The following CHD6 variants were observed in gnomAD, a reference collection of about 807,000 sequenced individuals.
CHD6 encodes ATP-dependent chromatin remodeler CHD6.
A neutral mutation model predicts 276.9 loss-of-function variants in CHD6; 50 were observed. That is an observed-to-expected ratio of 0.18 (90% CI 0.14 to 0.23). The LOEUF is 0.23. Among genes scored for constraint, CHD6 ranks in the 10% least tolerant of loss-of-function variants. The probability of loss-of-function intolerance (pLI) is 1.00; values close to 1 mark genes in which losing one functional copy is unlikely to be tolerated. For synonymous variants in CHD6, 1,173 were observed against 1,229.3 expected, an observed-to-expected ratio of 0.95 and a Z score of 0.96; for missense variants, 2,564 against 3,365.8, an observed-to-expected ratio of 0.76 and a Z score of 5.89.
intron 1 of CHD6, among the ~76,000 whole-genome samples, chr20:41,578,616 GTCGCAGTGAGCCGAGA>G (rs1392569574): frequency 2.0e-5 from 3 of 149,710 alleles, no homozygotes; most frequent in Admixed American, 1.3e-4. Flanking sequence ...GGAGGTGGAG[GTCGCAGTGAGCCGAGA>G]TCGCACCACC....
At chr20:41,482,279 G>A (rs1006751067) in intron 16 of CHD6, among the ~76,000 whole-genome samples, 6 of 152,108 alleles carry the variant, frequency 3.9e-5, no homozygotes, top group Admixed American at 2.0e-4. Flanking sequence ...TGCTTTGCAA[G>A]TTTTGATTTA....
At chr20:41,591,302 T>C (rs1263971978) in intron 1 of CHD6, among the ~76,000 whole-genome samples, 1 of 151,606 alleles carries the variant, frequency 6.6e-6, no homozygotes, top group Admixed American at 6.6e-5. Context: ...ATGGCACATG[T>C]ATACCTATGT....
chr20:41,455,750 A>G (rs1569097815), intron 19 of CHD6, 50 bp downstream of exon 19: 1 of 1,258,502 alleles, frequency 7.9e-7, no homozygotes, highest in Admixed American at 2.6e-5. Context: ...GAGAATAAAC[A>G]TTTTTTTTTC....
At chr20:41,565,733 A>C (rs1031846082) in intron 1 of CHD6, among the ~76,000 whole-genome samples, 1 of 152,230 alleles carries the variant, frequency 6.6e-6, no homozygotes, top group Admixed American at 6.5e-5. Context: ...TGAAAATAAT[A>C]AAGTGAGAGA....
chr20:41,609,615 G>A (rs1192977581), intron 1 of CHD6, among the ~76,000 whole-genome samples: 2 of 152,158 alleles, frequency 1.3e-5, no homozygotes, highest in African/African-American at 4.8e-5. Flanking sequence ...TGATTTTTAA[G>A]GAACCTTCCA....
intron 1 of CHD6, among the ~76,000 whole-genome samples, chr20:41,606,480 C>T (rs2045830085): frequency 1.3e-5 from 2 of 152,036 alleles, no homozygotes; most frequent in African/African-American, 2.4e-5. Context: ...TGCCACTGCA[C>T]TCCAGCCTGG....
In CHD6 at chr20:41,547,919, T is replaced by C. The variant is rs540395668; in HGVS notation, c.33+3386A>G. 60 of 271,862 alleles carry C rather than the reference T, an allele frequency of 2.2e-4. No homozygotes were observed. The South Asian group carries it at 2.5e-3, about 11-fold the overall frequency. 16.8% of individuals were successfully genotyped at this position (271,862 alleles called of 1,614,324 possible). A position where few individuals can be genotyped will look rare whatever the true frequency, so the allele number is the denominator to read the frequency against. On this transcript the variant is annotated intron_variant, in intron 2 of 36. Coordinates refer to ENST00000373233, the MANE Select transcript of CHD6 (RefSeq NM_032221.5). Reference sequence around the variant, plus strand: ...ACAGTGTTGTGGTGGAATGCCCAACTAGTTAAGAAGCACAAAGGAAAAATT... The same window carrying C: ...ACAGTGTTGTGGTGGAATGCCCAACCAGTTAAGAAGCACAAAGGAAAAATT...
chr20:41,493,725 G>A, intron 9 of CHD6, 53 bp from the exon 10 acceptor site: 1 of 1,602,920 alleles, frequency 6.2e-7, no homozygotes, highest in Non-Finnish European at 8.5e-7. Context: ...AAAGGAGTCA[G>A]TAGTATCTGC....
Position 41,416,693 on chromosome 20 carries a change from G to A in CHD6, c.6381C>T (p.Thr2127=). The A allele has an allele frequency of 6.2e-7, 1 of 1,614,114 alleles. No homozygotes were observed. Among genetic ancestry groups the A allele is most frequent in the Non-Finnish European group, 8.5e-7 (1 of 1,179,986 alleles). Residue 2127 remains threonine (T), a synonymous_variant, in exon 33 of 37, where the codon ACC becomes ACT. Coordinates refer to ENST00000373233, the MANE Select transcript of CHD6 (RefSeq NM_032221.5). ...QQYEPSGTLP[T]PVLTSSAGSR... is the part of the protein sequence containing the mutation. ...AACCAGCACTGCTGGTTAATACCGG[G>A]GTGGGCAGTGTGCCTGAGGGCTCAT...
In CHD6 at chr20:41,404,213, TC is replaced by T. The variant is rs2046605800; in HGVS notation, c.*379del. 1 of 1,071,210 alleles carries T rather than the reference TC, an allele frequency of 9.3e-7. No individual in the cohort carries two copies. The allele number at this position is 1,071,210 out of a possible 1,614,324, so 66.4% of individuals were successfully genotyped here. A position where few individuals can be genotyped will look rare whatever the true frequency, so the allele number is the denominator to read the frequency against. Reference sequence around the variant, plus strand: ...CTCACAGAAAAAGAGCTCCTCTTTGTCTCTGTTCTTCCACCCTTCAATGGTA... The same window carrying T: ...CTCACAGAAAAAGAGCTCCTCTTTGTTCTGTTCTTCCACCCTTCAATGGTA... On this transcript the variant is annotated 3_prime_UTR_variant, in exon 37 of 37. Coordinates refer to ENST00000373233, the MANE Select transcript of CHD6 (RefSeq NM_032221.5).
chr20:41,488,359 G>T, intron 13 of CHD6, 69 bp downstream of exon 13: 1 of 1,371,708 alleles, frequency 7.3e-7, no homozygotes, highest in Non-Finnish European at 1.0e-6. Flanking sequence ...ATGCAGAATG[G>T]CTAAAGAGTG....
intron 1 of CHD6, among the ~76,000 whole-genome samples, chr20:41,584,631 A>G (rs1185156816): frequency 6.6e-6 from 1 of 152,188 alleles, no homozygotes; most frequent in Non-Finnish European, 1.5e-5. Flanking sequence ...ATCCAACTAC[A>G]AAAAAATTAA....
At chr20:41,488,303 C>CA (rs773878367) in intron 13 of CHD6, 125 bp downstream of exon 13, 745 of 941,306 alleles carry the variant, frequency 7.9e-4, no homozygotes, top group Non-Finnish European at 1.1e-3. Flanking sequence ...TTATAGAGAC[C>CA]AAAAAAGAAA....
intron 27 of CHD6, among the ~76,000 whole-genome samples, chr20:41,432,841 C>T (rs1454115150): frequency 6.6e-6 from 1 of 152,000 alleles, no homozygotes; most frequent in Non-Finnish European, 1.5e-5. Context: ...GCCCACTGTT[C>T]AGAATGAAAC....
chr20:41,493,930 C>T lies in CHD6; in HGVS notation c.1107G>A (p.Leu369=). ...CAACTTCTACATAGTCTGGATTGAA[C>T]AAGTCTTCATCAGGCTAACACAAAC... ...KHIFTEPDED[L]FNPDYVEVDR... The change falls in exon 9 of 37, where the codon TTG becomes TTA. Residue 369 remains leucine, a synonymous_variant. Coordinates refer to ENST00000373233, the MANE Select transcript of CHD6 (RefSeq NM_032221.5). The T allele has an allele frequency of 6.2e-7, 1 of 1,613,840 alleles. No individual in the cohort carries two copies. The highest frequency in any genetic ancestry group is 8.5e-7 in the Non-Finnish European group (1 of 1,179,838).
At chr20:41,429,553 T>C (rs1230905560) in intron 27 of CHD6, among the ~76,000 whole-genome samples, 3 of 152,162 alleles carry the variant, frequency 2.0e-5, no homozygotes, top group African/African-American at 4.8e-5. Flanking sequence ...TATGATATGA[T>C]ATGGAAAAAT....
intron 1 of CHD6, among the ~76,000 whole-genome samples, chr20:41,585,164 A>G (rs188899202): frequency 4.5e-4 from 69 of 152,310 alleles, no homozygotes; most frequent in African/African-American, 1.5e-3. Context: ...AACTTAGATA[A>G]GTTGAATAAC....
At position 41,516,946 on chromosome 20, in the gene CHD6, G is replaced by C. The variant is rs2044267216; in HGVS notation, c.555-1994C>G. ...CATCAGGAGAGTTAGTAGAAAGTTT[G>C]GGGAAGAGAAGGAAACTGGATGACC... is the stretch of plus-strand genomic sequence containing the variant. On this transcript the variant is annotated intron_variant, in intron 3 of 36. Transcript: ENST00000373233. 2.0e-5 allele frequency among the ~76,000 whole-genome samples: 3 copies of C among 152,248 alleles called. No homozygotes were observed. In the South Asian group the frequency reaches 6.2e-4, roughly 32 times the overall value.
intron 29 of CHD6, 50 bp from the exon 30 acceptor site, chr20:41,423,750 A>C (rs1224379801): frequency 1.4e-6 from 2 of 1,454,146 alleles, no homozygotes; most frequent in African/African-American, 2.8e-5. Flanking sequence ...CTTTTTTTAA[A>C]GCCAATAACT....
Sources: gnomAD v4.1 joint callset for allele counts (sites outside exome capture counted in the v4.1 genomes callset) on GRCh38, gnomAD v4.1.1 for gene constraint, MANE v1.5 for transcripts, NCBI Gene and HGNC (gene_info 2026-07-23, HGNC 2026-07-21) for gene names.